ZNF536: variants seen among roughly 807,000 people sequenced by gnomAD.
ZNF536 encodes zinc finger protein 536.
Under a neutral mutation model 84.5 loss-of-function variants are expected in ZNF536, and 13 were observed. That is an observed-to-expected ratio of 0.15 (90% confidence interval 0.10 to 0.24). ZNF536 has a LOEUF of 0.24. Ranked by LOEUF, ZNF536 falls within the 10% of genes least tolerant of loss-of-function variation. ZNF536 has a pLI of 1.00. For synonymous variants in ZNF536, 811 were observed against 742.5 expected, an observed-to-expected ratio of 1.09 and a Z score of -1.50; for missense variants, 1,536 against 1,747.5, an observed-to-expected ratio of 0.88 and a Z score of 2.16.
chr19:30,567,000 C>T lies in ZNF536; in HGVS notation c.169+17486C>T, dbSNP rs112197492. Reference sequence around the variant, plus strand: ...TGTGTGTGGCCTCTCTGGGTAGTGGCGGTCCCCGCGTGTGGCCTCTCCGGG... The same window carrying T: ...TGTGTGTGGCCTCTCTGGGTAGTGGTGGTCCCCGCGTGTGGCCTCTCCGGG... On this transcript the variant is annotated intron_variant, in intron 1 of 1. Coordinates refer to the ZNF536 transcript ENST00000592773. Among the ~76,000 whole-genome samples, 190 of 139,152 alleles carry T rather than the reference C, an allele frequency of 1.4e-3. 1 individual carries two copies. Among genetic ancestry groups the T allele is most frequent in the African/African-American group, 5.1e-3 (188 of 36,924 alleles). The allele number at this position is 139,152 out of a possible 152,430, so 91.3% of individuals were successfully genotyped here. A position where few individuals can be genotyped will look rare whatever the true frequency, so the allele number is the denominator to read the frequency against.
In ZNF536 at chr19:30,444,496, G is replaced by A. The variant is rs2148186118; in HGVS notation, c.934G>A (p.Glu312Lys). Residue 312 changes from glutamate to lysine, a missense_variant, in exon 2 of 5, where the codon GAG becomes AAG. Glu to Lys is a moderately conservative substitution (Grantham distance 56, BLOSUM62 1). Coordinates refer to ENST00000355537, the MANE Select transcript of ZNF536 (RefSeq NM_014717.3). ...GTTGTGCGACTTCGCGGCTTCGCAGGAGGAGGAGCTCATCAGCCACGTGGA... is the reference window on the plus strand; with the variant it reads ...GTTGTGCGACTTCGCGGCTTCGCAGAAGGAGGAGCTCATCAGCCACGTGGA... ...CTLCDFAASQ[E>K]EELISHVEKA... The A allele has an allele frequency of 6.2e-7, 1 of 1,611,862 alleles. No individual in the cohort carries two copies. The highest frequency in any genetic ancestry group is 8.5e-7 in the Non-Finnish European group (1 of 1,179,782).
At chr19:30,377,946 A>G (rs1261000027) in intron 1 of ZNF536, among the ~76,000 whole-genome samples, 1 of 152,102 alleles carries the variant, frequency 6.6e-6, no homozygotes, top group Non-Finnish European at 1.5e-5. Context: ...TTGTTGCCCA[A>G]TAGGCTCCCA....
At chr19:30,573,907 T>C (rs1599853650) in intron 1 of ZNF536, among the ~76,000 whole-genome samples, 1 of 152,228 alleles carries the variant, frequency 6.6e-6, no homozygotes, top group African/African-American at 2.4e-5. Flanking sequence ...GCCATGACAG[T>C]GGTGGTGCCA....
At chr19:30,409,519 C>T (rs940580697) in intron 1 of ZNF536, among the ~76,000 whole-genome samples, 2 of 152,214 alleles carry the variant, frequency 1.3e-5, no homozygotes, top group Admixed American at 1.3e-4. Context: ...ATAAATGACA[C>T]TTTGATGAAC....
At chr19:30,504,299 C>T (rs1411489218) in intron 2 of ZNF536, among the ~76,000 whole-genome samples, 1 of 146,894 alleles carries the variant, frequency 6.8e-6, no homozygotes, top group Admixed American at 6.8e-5. Flanking sequence ...TCCCTCCTTC[C>T]TTCCTTCCTC....
At chr19:30,473,109 G>C (rs2053707957) in intron 2 of ZNF536, among the ~76,000 whole-genome samples, 1 of 151,806 alleles carries the variant, frequency 6.6e-6, no homozygotes, top group Non-Finnish European at 1.5e-5. Flanking sequence ...GGGAGGCTAA[G>C]CCAGGAGAAC....
intron 1 of ZNF536, among the ~76,000 whole-genome samples, chr19:30,263,248 G>A (rs2025322523): frequency 6.6e-6 from 1 of 152,216 alleles, no homozygotes; most frequent in Admixed American, 6.5e-5. Flanking sequence ...GGTTGCTTAT[G>A]TGGATGCCAG....
chr19:30,370,970 C>A (rs1280899660), upstream of ZNF536, among the ~76,000 whole-genome samples: 1 of 152,192 alleles, frequency 6.6e-6, no homozygotes, highest in Non-Finnish European at 1.5e-5. Context: ...AAATCACGTT[C>A]ATTTCAAGAA....
At chr19:30,435,503 C>CA (rs2051702520) in intron 1 of ZNF536, among the ~76,000 whole-genome samples, 1 of 138,474 alleles carries the variant, frequency 7.2e-6, no homozygotes, top group South Asian at 2.4e-4. Flanking sequence ...ATGGTGATGA[C>CA]AGTGATCATT....
At chr19:30,509,859 C>G (rs1243571281) in intron 2 of ZNF536, among the ~76,000 whole-genome samples, 2 of 152,224 alleles carry the variant, frequency 1.3e-5, no homozygotes, top group African/African-American at 4.8e-5. Flanking sequence ...TTGGTGGAAA[C>G]TGTTGAATCG....
At chr19:30,415,414 T>C (rs2050688210) in intron 1 of ZNF536, among the ~76,000 whole-genome samples, 1 of 150,912 alleles carries the variant, frequency 6.6e-6, no homozygotes, top group Non-Finnish European at 1.5e-5. Context: ...TTTTTTTTCC[T>C]TCTAGCATTG....
intron 2 of ZNF536, among the ~76,000 whole-genome samples, chr19:30,309,884 T>C (rs2046446521): frequency 6.6e-6 from 1 of 152,130 alleles, no homozygotes; most frequent in Non-Finnish European, 1.5e-5. Flanking sequence ...TCCTTGGCTT[T>C]TTCTGGGTGG....
chr19:30,327,557 C>T (rs538308040), intron 2 of ZNF536, among the ~76,000 whole-genome samples: 1 of 152,320 alleles, frequency 6.6e-6, no homozygotes, highest in East Asian at 1.9e-4. Flanking sequence ...AGTCACATGA[C>T]ATTTGCATGC....
In ZNF536 at chr19:30,444,591, C is replaced by T. The variant is rs760335471; in HGVS notation, c.1029C>T (p.Asn343=). Residue 343 remains asparagine, a synonymous_variant, in exon 2 of 5, where the codon AAC becomes AAT. Transcript: ENST00000355537. ...GPNGGGEQSA[N]EFRCEVCGQV... ...ACGGCGGTGGCGAGCAGTCGGCCAA[C>T]GAGTTCCGCTGCGAGGTGTGCGGTC... 25 of 1,613,816 alleles carry T rather than the reference C, an allele frequency of 1.5e-5. No homozygotes were observed. Among genetic ancestry groups the T allele is most frequent in the Non-Finnish European group, 1.9e-5 (23 of 1,180,034 alleles).
At chr19:30,561,869 A>G (rs1199743781), downstream of ZNF536, among the ~76,000 whole-genome samples, 2 of 152,216 alleles carry the variant, frequency 1.3e-5, no homozygotes, top group Non-Finnish European at 2.9e-5. Flanking sequence ...TCAGAAGGGA[A>G]GGAATGAGGA....
intron 1 of ZNF536, among the ~76,000 whole-genome samples, chr19:30,634,448 C>A (rs2048994257): frequency 6.6e-6 from 1 of 151,964 alleles, no homozygotes; most frequent in South Asian, 2.1e-4. Flanking sequence ...AAATGATTAC[C>A]CTTGAGAAGT....
At chr19:30,446,248 CAAA>C (rs1177505634) in intron 2 of ZNF536, among the ~76,000 whole-genome samples, 26 of 29,178 alleles carry the variant, frequency 8.9e-4, no homozygotes, top group South Asian at 2.5e-3. Flanking sequence ...GACACTGTCT[CAAA>C]AAAAAAAAAA....
At chr19:30,710,003 G>A (rs563130522) in intron 1 of ZNF536, among the ~76,000 whole-genome samples, 23 of 152,262 alleles carry the variant, frequency 1.5e-4, no homozygotes, top group Middle Eastern at 3.4e-3. Context: ...GAGAATAATA[G>A]TAGTTCATCC....
chr19:30,252,692 T>G (rs1245515666), intron 1 of ZNF536, among the ~76,000 whole-genome samples: 1 of 152,176 alleles, frequency 6.6e-6, no homozygotes, highest in Non-Finnish European at 1.5e-5. Flanking sequence ...GCCTGCCTAA[T>G]GGAGTGGCGA....
Sources: allele counts gnomAD v4.1 joint callset (sites outside exome capture counted in the v4.1 genomes callset), GRCh38; gene constraint gnomAD v4.1.1; transcripts MANE v1.5; gene names NCBI Gene and HGNC (gene_info 2026-07-23, HGNC 2026-07-21).